Variants in SIPA1L2 observed in about 807,000 individuals in gnomAD.
SIPA1L2 encodes the protein signal induced proliferation associated 1 like 2, also known as signal-induced proliferation-associated 1-like protein 2.
Under a neutral mutation model 163.9 loss-of-function variants are expected in SIPA1L2, and 56 were observed. That is an observed-to-expected ratio of 0.34 (90% CI 0.28 to 0.43). The LOEUF (loss-of-function observed/expected upper bound fraction) is 0.43. Ranked by LOEUF, SIPA1L2 falls within the 20% of genes least tolerant of loss-of-function variation. The pLI, the probability that SIPA1L2 is intolerant of heterozygous loss-of-function variation, is 1.00. For synonymous variants in SIPA1L2, 877 were observed against 865.7 expected (o/e 1.01, Z -0.23); for missense variants, 1,974 against 2,193.5 (o/e 0.90, Z 2.00).
At chr1:232,616,794 G>T (rs554356359) in intron 1 of SIPA1L2, among the ~76,000 whole-genome samples, 1 of 152,316 alleles carries the variant, frequency 6.6e-6, no homozygotes, top group Admixed American at 6.5e-5. Flanking sequence ...TACAGCTGAT[G>T]AAAACGTTTT....
chr1:232,514,063 A>G lies in SIPA1L2; in HGVS notation c.1277T>C (p.Leu426Pro). The change falls in exon 3 of 23, where the codon CTC becomes CCC. Residue 426 changes from leucine (L) to proline (P), a missense_variant. Coordinates refer to ENST00000674635, the MANE Select transcript of SIPA1L2 (RefSeq NM_020808.5). ...TGGEGDRRIA[L>P]SRANSSSFSS... ...GAAAGAGGATGAGTTGGCTCGAGAG[A>G]GCGCAATCCGCCTGTCGCCTTCCCC... is the stretch of plus-strand genomic sequence containing the variant. 1 of 1,614,172 alleles carries G rather than the reference A, an allele frequency of 6.2e-7. No homozygotes were observed. Among genetic ancestry groups the G allele is most frequent in the Non-Finnish European group, 8.5e-7 (1 of 1,180,030 alleles).
At chr1:232,584,443 T>A (rs900118184) in intron 1 of SIPA1L2, among the ~76,000 whole-genome samples, 1 of 152,238 alleles carries the variant, frequency 6.6e-6, no homozygotes, top group Admixed American at 6.5e-5. Flanking sequence ...CAGGATGGTC[T>A]CGATAGAGAC....
At chr1:232,434,600 GAAT>G (rs1258509755) in intron 15 of SIPA1L2, among the ~76,000 whole-genome samples, 3 of 152,128 alleles carry the variant, frequency 2.0e-5, no homozygotes, top group African/African-American at 7.2e-5. Flanking sequence ...CAACAGGCAT[GAAT>G]AATAGGAGCT....
chr1:232,540,321 CA>C, intron 2 of SIPA1L2, among the ~76,000 whole-genome samples: 1 of 152,150 alleles, frequency 6.6e-6, no homozygotes, highest in East Asian at 1.9e-4. Flanking sequence ...ACAGCAACAA[CA>C]AAAAAACTTC....
chr1:232,544,635 C>T (rs1207656899), intron 2 of SIPA1L2, among the ~76,000 whole-genome samples: 1 of 151,770 alleles, frequency 6.6e-6, no homozygotes, highest in Non-Finnish European at 1.5e-5. Flanking sequence ...ACATATTTGA[C>T]AGAGGCTTGG....
intron 2 of SIPA1L2, among the ~76,000 whole-genome samples, chr1:232,568,759 G>A (rs1573097891): frequency 6.6e-6 from 1 of 152,206 alleles, no homozygotes; most frequent in East Asian, 1.9e-4. Context: ...TCTGAATAAA[G>A]TACACCAAAA....
At chr1:232,557,760 T>C (rs1658796548) in intron 2 of SIPA1L2, among the ~76,000 whole-genome samples, 1 of 152,150 alleles carries the variant, frequency 6.6e-6, no homozygotes, top group African/African-American at 2.4e-5. Context: ...ACCTGGTCAA[T>C]GTGGTATTGT....
rs1019804167 is a variant in SIPA1L2, at chr1:232,428,568, T to C, written c.4257-4A>G. The C allele has an allele frequency of 6.6e-6, 10 of 1,521,212 alleles. No homozygotes were observed. The highest frequency in any genetic ancestry group is 2.8e-5 in the African/African-American group (2 of 70,498). The allele number at this position is 1,521,212 out of a possible 1,614,324, so 94.2% of individuals were successfully genotyped here. ...GACATCCATCTCACTATACATCCTG[T>C]TGAAAACAATCAGAATGGAAATTAA... On this transcript the variant is annotated splice_region_variant and splice_polypyrimidine_tract_variant and intron_variant, in intron 16 of 22. Transcript: ENST00000674635.
chr1:232,401,774 A>C lies in SIPA1L2; in HGVS notation c.5022+618T>G, dbSNP rs557030475. On this transcript the variant is annotated intron_variant, in intron 22 of 22. Transcript: ENST00000674635. Reference sequence around the variant, plus strand: ...AGCTACAATTTCTCCCTTCTTCATAAGCCAAACCAAACCAAACCATCACAA... The same window carrying C: ...AGCTACAATTTCTCCCTTCTTCATACGCCAAACCAAACCAAACCATCACAA... 2.6e-5 allele frequency among the ~76,000 whole-genome samples: 4 copies of C among 152,260 alleles called. No individual in the cohort carries two copies. The South Asian group carries it at 8.3e-4, about 32-fold the overall frequency.
chr1:232,477,416 G>A (rs184556899), intron 7 of SIPA1L2, among the ~76,000 whole-genome samples: 32 of 152,240 alleles, frequency 2.1e-4, no homozygotes, highest in Admixed American at 1.8e-3. Context: ...TCCTAAGAAA[G>A]GTTCACTCAT....
chr1:232,520,341 G>A (rs1667407173), intron 2 of SIPA1L2, among the ~76,000 whole-genome samples: 1 of 152,206 alleles, frequency 6.6e-6, no homozygotes, highest in Non-Finnish European at 1.5e-5. Context: ...AGTGAGGAAG[G>A]GCTAGGGAAG....
At chr1:232,623,005 T>C (rs1296210931) in intron 1 of SIPA1L2, among the ~76,000 whole-genome samples, 2 of 152,258 alleles carry the variant, frequency 1.3e-5, no homozygotes, top group East Asian at 1.9e-4. Flanking sequence ...AAACCAGAAA[T>C]GTCCCTGCCT....
At chr1:232,518,914 GA>G (rs1022525751) in intron 2 of SIPA1L2, among the ~76,000 whole-genome samples, 23 of 152,064 alleles carry the variant, frequency 1.5e-4, no homozygotes, top group Non-Finnish European at 7.4e-5. Flanking sequence ...CCTTATATTA[GA>G]AAATATTTAA....
At chr1:232,413,261 A>G (rs1049521571) in intron 19 of SIPA1L2, among the ~76,000 whole-genome samples, 1 of 152,232 alleles carries the variant, frequency 6.6e-6, no homozygotes, top group African/African-American at 2.4e-5. Context: ...AAGACCTAGA[A>G]GAGTATTGGG....
intron 2 of SIPA1L2, among the ~76,000 whole-genome samples, chr1:232,555,957 G>C (rs1386837154): frequency 6.6e-6 from 1 of 152,214 alleles, no homozygotes; most frequent in African/African-American, 2.4e-5. Flanking sequence ...ATTTTGCAGA[G>C]ACGGCAAGCC....
chr1:232,606,037 T>C (rs890621364), intron 1 of SIPA1L2, among the ~76,000 whole-genome samples: 2 of 152,194 alleles, frequency 1.3e-5, no homozygotes, highest in African/African-American at 2.4e-5. Context: ...ACAACAAATA[T>C]ATATTATAGG....
At chr1:232,418,666 G>A (rs2102790079) in intron 18 of SIPA1L2, among the ~76,000 whole-genome samples, 1 of 152,318 alleles carries the variant, frequency 6.6e-6, no homozygotes, top group South Asian at 2.1e-4. Flanking sequence ...CCAAAGGCAA[G>A]CCCAGACAAC....
chr1:232,581,127 T>C (rs1256666378), intron 1 of SIPA1L2, among the ~76,000 whole-genome samples: 6 of 152,158 alleles, frequency 3.9e-5, no homozygotes, highest in Non-Finnish European at 8.8e-5. Flanking sequence ...CCATGGCACC[T>C]AAAGTTTCTG....
At chr1:232,473,409 A>G (rs1664891410) in intron 7 of SIPA1L2, among the ~76,000 whole-genome samples, 2 of 152,150 alleles carry the variant, frequency 1.3e-5, no homozygotes, top group African/African-American at 4.8e-5. Context: ...AGCGCCTCCT[A>G]CTTCCTGAGT....
Sources: allele counts gnomAD v4.1 joint callset (sites outside exome capture counted in the v4.1 genomes callset), GRCh38; gene constraint gnomAD v4.1.1; transcripts MANE v1.5; gene names NCBI Gene and HGNC (gene_info 2026-07-23, HGNC 2026-07-21).